KCNH7: variants seen among roughly 807,000 people sequenced by gnomAD.
KCNH7 encodes the protein potassium voltage-gated channel subfamily H member 7.
A neutral mutation model predicts 120.8 loss-of-function variants in KCNH7; 49 were observed. That is an observed-to-expected ratio of 0.41 (90% CI 0.32 to 0.51). The LOEUF is 0.51. KCNH7 is among the 20% of genes least tolerant of loss of function. The pLI is 0.38. For synonymous variants in KCNH7, 547 were observed against 516.1 expected (o/e 1.06, Z -0.81); for missense variants, 1,097 against 1,446.6 (o/e 0.76, Z 3.92).
chr2:162,382,976 A>G (rs1011192643), intron 13 of KCNH7, among the ~76,000 whole-genome samples: 2 of 152,012 alleles, frequency 1.3e-5, no homozygotes, highest in Non-Finnish European at 2.9e-5. Flanking sequence ...TTTAAAAATT[A>G]GAATATATAG....
intron 2 of KCNH7, chr2:162,768,788 C>T (rs970381246): frequency 6.6e-6 from 1 of 151,868 alleles, no homozygotes; most frequent in Non-Finnish European, 1.5e-5. Context: ...GTCGAATCGC[C>T]AAGTATCATT....
At chr2:162,559,080 A>C (rs1157698463) in intron 2 of KCNH7, among the ~76,000 whole-genome samples, 1 of 148,818 alleles carries the variant, frequency 6.7e-6, no homozygotes, top group East Asian at 1.9e-4. Context: ...AAAAAAAGCA[A>C]AAAAACAAAA....
At chr2:162,791,743 T>C (rs2105519476) in intron 2 of KCNH7, among the ~76,000 whole-genome samples, 1 of 152,268 alleles carries the variant, frequency 6.6e-6, no homozygotes, top group Admixed American at 6.5e-5. Context: ...TAGTTTGAAT[T>C]CTTCTCTTCC....
chr2:162,468,306 C>A (rs1226178065), intron 6 of KCNH7, among the ~76,000 whole-genome samples: 1 of 151,350 alleles, frequency 6.6e-6, no homozygotes, highest in Non-Finnish European at 1.5e-5. Flanking sequence ...ATACCAAGAT[C>A]TAAATAAAAA....
chr2:162,563,264 T>C (rs551687303), intron 2 of KCNH7, among the ~76,000 whole-genome samples: 59 of 152,252 alleles, frequency 3.9e-4, no homozygotes, highest in African/African-American at 1.4e-3. Context: ...CATGAAATCA[T>C]ATAATGGCTT....
At position 162,520,666 on chromosome 2, in the gene KCNH7, G is replaced by A. The variant is rs148458489; in HGVS notation, c.464-2508C>T. Among the ~76,000 whole-genome samples the A allele has an allele frequency of 2.0e-3, 303 of 151,956 alleles. 1 individual carries two copies. Among genetic ancestry groups the A allele is most frequent in the African/African-American group, 6.8e-3 (284 of 41,492 alleles). ...TGCCTGTAGTCCGAGCCAGTCGGGA[G>A]GCTGCAGTGGGAGGATAGATTGAGC... On this transcript the variant is annotated intron_variant, in intron 3 of 15. Transcript: ENST00000332142.
At chr2:162,684,439 C>T (rs947267529) in intron 2 of KCNH7, among the ~76,000 whole-genome samples, 2 of 151,972 alleles carry the variant, frequency 1.3e-5, no homozygotes, top group African/African-American at 4.8e-5. Context: ...AAAATTTTTG[C>T]AATCTACCCA....
rs547250496 is a variant in KCNH7, at chr2:162,426,681, A to C, written c.1955-3146T>G. Among the ~76,000 whole-genome samples the C allele has an allele frequency of 9.2e-5, 14 of 152,314 alleles. 1 individual carries two copies. In the South Asian group the frequency reaches 2.9e-3, roughly 32 times the overall value. On this transcript the variant is annotated intron_variant, in intron 8 of 15. Coordinates refer to ENST00000332142, the MANE Select transcript of KCNH7 (RefSeq NM_033272.4). ...ACAAATACACCTGCATTTCTACTAC[A>C]TAAATTTAAACAACTCTGTAACTTA...
At chr2:162,833,523 T>G (rs1217813099) in intron 2 of KCNH7, among the ~76,000 whole-genome samples, 1 of 152,162 alleles carries the variant, frequency 6.6e-6, no homozygotes, top group East Asian at 1.9e-4. Context: ...ACTTCACAGC[T>G]GCCAAGGATG....
intron 2 of KCNH7, among the ~76,000 whole-genome samples, chr2:162,624,895 T>A (rs1379118504): frequency 7.2e-6 from 1 of 138,376 alleles, no homozygotes; most frequent in Non-Finnish European, 1.6e-5. Flanking sequence ...CTTGGTTTTT[T>A]TTTTTTTTTT....
At chr2:162,438,707 C>T (rs1378170262) in intron 7 of KCNH7, among the ~76,000 whole-genome samples, 3 of 152,082 alleles carry the variant, frequency 2.0e-5, no homozygotes, top group African/African-American at 7.2e-5. Context: ...GATGCCTTGC[C>T]TTACTTCTAT....
chr2:162,783,667 G>C (rs1235002869), intron 2 of KCNH7, among the ~76,000 whole-genome samples: 1 of 152,172 alleles, frequency 6.6e-6, no homozygotes, highest in African/African-American at 2.4e-5. Flanking sequence ...CTCGCTGAAG[G>C]AAAGACAATG....
chr2:162,804,766 C>A (rs1173279270), intron 2 of KCNH7, among the ~76,000 whole-genome samples: 36 of 143,444 alleles, frequency 2.5e-4, no homozygotes, highest in Non-Finnish European at 2.0e-4. Context: ...CATATGGAAC[C>A]AAAAAAAAAA....
At chr2:162,469,689 C>A (rs192645763) in intron 6 of KCNH7, among the ~76,000 whole-genome samples, 215 of 151,774 alleles carry the variant, frequency 1.4e-3, no homozygotes, top group African/African-American at 4.7e-3. Context: ...CTCCCCCTCC[C>A]CCTCTCCCTC....
At chr2:162,570,152 T>C (rs1399236033) in intron 2 of KCNH7, among the ~76,000 whole-genome samples, 2 of 149,466 alleles carry the variant, frequency 1.3e-5, no homozygotes, top group Admixed American at 6.7e-5. Flanking sequence ...CCATTATTAA[T>C]GTGTGGGAGT....
At chr2:162,445,152 C>G (rs1265363947) in intron 7 of KCNH7, among the ~76,000 whole-genome samples, 2 of 152,038 alleles carry the variant, frequency 1.3e-5, no homozygotes, top group Non-Finnish European at 2.9e-5. Context: ...TGTTCTAAAG[C>G]CTTCATTGGC....
intron 3 of KCNH7, among the ~76,000 whole-genome samples, chr2:162,529,786 A>G (rs1252111016): frequency 1.3e-5 from 2 of 151,654 alleles, no homozygotes; most frequent in African/African-American, 2.4e-5. Context: ...GGAATGCACA[A>G]TTTTCTCTTT....
At chr2:162,481,364 C>G (rs1689924820) in intron 6 of KCNH7, among the ~76,000 whole-genome samples, 1 of 152,114 alleles carries the variant, frequency 6.6e-6, no homozygotes, top group African/African-American at 2.4e-5. Context: ...AATTAGGAAT[C>G]CAAGACAAGG....
chr2:162,582,780 G>A (rs952555323), intron 2 of KCNH7, among the ~76,000 whole-genome samples: 1 of 152,090 alleles, frequency 6.6e-6, no homozygotes, highest in African/African-American at 2.4e-5. Flanking sequence ...CTAATTAGCT[G>A]TGTGATCTTC....
Sources: gnomAD v4.1 joint callset for allele counts (sites outside exome capture counted in the v4.1 genomes callset) on GRCh38, gnomAD v4.1.1 for gene constraint, MANE v1.5 for transcripts, NCBI Gene and HGNC (gene_info 2026-07-23, HGNC 2026-07-21) for gene names.